Variants in STARD8 observed in about 807,000 individuals in gnomAD.
The protein encoded by STARD8 is StAR related lipid transfer domain containing 8, also known as stAR-related lipid transfer protein 8.
STARD8 carries 25 observed loss-of-function variants against 69.4 expected under a neutral mutation model. The observed-to-expected ratio is 0.36, with a 90% CI of 0.26 to 0.50. STARD8 has a LOEUF of 0.50. Ranked by LOEUF, STARD8 falls within the 20% of genes least tolerant of loss-of-function variation. STARD8 has a pLI of 0.96. For missense variants in STARD8, 921 were observed against 932.5 expected, an observed-to-expected ratio of 0.99 and a Z score of 0.16; for synonymous variants, 389 against 374.6, an observed-to-expected ratio of 1.04 and a Z score of -0.45.
intron 1 of STARD8, among the ~76,000 whole-genome samples, chrX:68,653,340 C>T (rs1602536294): frequency 5.3e-5 from 2 of 37,732 alleles, no homozygotes; most frequent in Non-Finnish European, 5.3e-5. Flanking sequence ...ACCCCACACA[C>T]CACACACACC....
At chrX:68,673,414 C>T (rs934779189) in intron 2 of STARD8, among the ~76,000 whole-genome samples, 3 of 112,095 alleles carry the variant, frequency 2.7e-5, no homozygotes, top group African/African-American at 9.7e-5. Flanking sequence ...ACTATTTCAT[C>T]GTCCCAGATA....
chrX:68,684,250 G>A (rs2079817375), intron 2 of STARD8, among the ~76,000 whole-genome samples: 1 of 112,636 alleles, frequency 8.9e-6, no homozygotes, highest in Admixed American at 9.4e-5. Context: ...CCTGGAGTGG[G>A]GAGGTGGTGG....
chrX:68,648,228 C>A (rs1356921308), intron 1 of STARD8, among the ~76,000 whole-genome samples: 1 of 112,013 alleles, frequency 8.9e-6, no homozygotes, highest in Non-Finnish European at 1.9e-5. Flanking sequence ...CCTCAGTTTC[C>A]TCTCAGCTTT....
At chrX:68,713,203 T>C (rs892577744) in intron 3 of STARD8, among the ~76,000 whole-genome samples, 1 of 112,087 alleles carries the variant, frequency 8.9e-6, no homozygotes, top group Non-Finnish European at 1.9e-5. Flanking sequence ...GCTCTGCTGT[T>C]GCCCATGCCT....
chrX:68,692,817 ATG>A (rs201969082), intron 2 of STARD8, among the ~76,000 whole-genome samples: 1,744 of 112,688 alleles, frequency 0.015, 35 homozygotes, highest in African/African-American at 0.046. Flanking sequence ...TAAGTGAGTC[ATG>A]CTTAAAGTCT....
chrX:68,653,113 A>C (rs1291237730), intron 1 of STARD8, among the ~76,000 whole-genome samples: 30 of 26,180 alleles, frequency 1.1e-3, no homozygotes, highest in East Asian at 2.9e-3. Flanking sequence ...ACACACACAC[A>C]CCACACACCA....
intron 13 of STARD8, 29 bp downstream of exon 13, chrX:68,723,872 T>G: frequency 8.3e-7 from 1 of 1,205,276 alleles, no homozygotes; most frequent in Non-Finnish European, 1.1e-6. Context: ...TACCCTTCTG[T>G]GCTTGGGGGG....
intron 2 of STARD8, 48 bp from the exon 3 acceptor site, chrX:68,712,866 C>T (rs757978244): frequency 1.6e-5 from 18 of 1,149,640 alleles, no homozygotes; most frequent in Admixed American, 2.5e-5. Flanking sequence ...TGTCAGCACC[C>T]TCCTAACCCC....
At chrX:68,695,172 C>T (rs1325218717) in intron 2 of STARD8, among the ~76,000 whole-genome samples, 3 of 104,792 alleles carry the variant, frequency 2.9e-5, no homozygotes, top group Admixed American at 1.0e-4. Context: ...ATCTTGTCTG[C>T]GGATGCGATG....
intron 2 of STARD8, among the ~76,000 whole-genome samples, chrX:68,704,083 C>T (rs776244434): frequency 2.5e-3 from 274 of 111,586 alleles, no homozygotes; most frequent in African/African-American, 8.5e-3. Context: ...CATTCGGTAG[C>T]CCTTAACACA....
intron 3 of STARD8, 115 bp downstream of exon 3, chrX:68,713,100 C>A: frequency 1.3e-6 from 1 of 754,737 alleles, no homozygotes; most frequent in Non-Finnish European, 1.9e-6. Flanking sequence ...TGTCTCCTGG[C>A]CCTGCTCCGA....
Position 68,647,774 on chromosome X carries a change from C to A in STARD8, c.-109C>A. 3.0e-6 allele frequency: 3 copies of A among 995,514 alleles called. No homozygotes were observed. The highest frequency in any genetic ancestry group is 4.5e-5 in the South Asian group (2 of 44,310). The allele number at this position is 995,514 out of a possible 1,213,427, so 82.0% of individuals were successfully genotyped here. On this transcript the variant is annotated 5_prime_UTR_variant, in exon 1 of 15. Coordinates refer to ENST00000374599, the MANE Select transcript of STARD8 (RefSeq NM_001142503.3). ...GGGCCGGCTCATGGAGCGCAGGGAC[C>A]GGGCTGGCTCTCGCCGAGCCCCGGG...
intron 1 of STARD8, among the ~76,000 whole-genome samples, chrX:68,653,013 A>C (rs926516899): frequency 3.9e-3 from 39 of 10,050 alleles, no homozygotes; most frequent in South Asian, 6.9e-3. Flanking sequence ...ACACACCACC[A>C]CACACACACA....
At chrX:68,662,428 C>G (rs1359829245) in intron 1 of STARD8, among the ~76,000 whole-genome samples, 3 of 111,394 alleles carry the variant, frequency 2.7e-5, no homozygotes, top group African/African-American at 9.8e-5. Flanking sequence ...CTCAATGGCT[C>G]TCCATTGGGC....
chrX:68,671,837 C>T (rs1419849254), intron 2 of STARD8, among the ~76,000 whole-genome samples: 4 of 111,812 alleles, frequency 3.6e-5, no homozygotes, highest in Non-Finnish European at 7.5e-5. Flanking sequence ...ACTGAGGAGC[C>T]CTAGTGTCCC....
At chrX:68,670,874 T>C (rs747274235) in intron 2 of STARD8, among the ~76,000 whole-genome samples, 1 of 111,527 alleles carries the variant, frequency 9.0e-6, no homozygotes, top group Non-Finnish European at 1.9e-5. Flanking sequence ...TGCTGCCATT[T>C]AGTTGTGTGC....
intron 2 of STARD8, among the ~76,000 whole-genome samples, chrX:68,712,593 A>G (rs990820914): frequency 2.7e-5 from 3 of 112,215 alleles, no homozygotes; most frequent in African/African-American, 9.7e-5. Context: ...TTATCCCAGC[A>G]GGCCTCCTTG....
At chrX:68,722,975 C>T (rs898389403) in intron 12 of STARD8, among the ~76,000 whole-genome samples, 3 of 112,643 alleles carry the variant, frequency 2.7e-5, no homozygotes, top group Non-Finnish European at 3.8e-5. Context: ...CACCTTTGTG[C>T]GGTCCTGCTG....
intron 2 of STARD8, among the ~76,000 whole-genome samples, chrX:68,710,169 C>T (rs2080038576): frequency 8.9e-6 from 1 of 112,345 alleles, no homozygotes; most frequent in Non-Finnish European, 1.9e-5. Flanking sequence ...TGACACTTTA[C>T]CCTGTATGAC....
Sources: allele counts gnomAD v4.1 joint callset (sites outside exome capture counted in the v4.1 genomes callset), GRCh38; gene constraint gnomAD v4.1.1; transcripts MANE v1.5; gene names NCBI Gene and HGNC (gene_info 2026-07-23, HGNC 2026-07-21).